The following ZBTB8A variants were observed in gnomAD, a reference collection of about 807,000 sequenced individuals.
The protein encoded by ZBTB8A is zinc finger and BTB domain-containing protein 8A.
A neutral mutation model predicts 37.8 loss-of-function variants in ZBTB8A; 19 were observed. That is an observed-to-expected ratio of 0.50 (90% CI 0.35 to 0.74). ZBTB8A has a LOEUF of 0.74. Ranked by LOEUF, ZBTB8A falls within the 30% of genes least tolerant of loss-of-function variation. The pLI, the probability that ZBTB8A is intolerant of heterozygous loss-of-function variation, is 0.01. For synonymous variants in ZBTB8A, 181 were observed against 185.2 expected (o/e 0.98, Z 0.19); for missense variants, 394 against 537.8 (o/e 0.73, Z 2.65).
intron 2 of ZBTB8A, among the ~76,000 whole-genome samples, chr1:32,571,969 T>C (rs1644326190): frequency 6.6e-6 from 1 of 151,958 alleles, no homozygotes; most frequent in African/African-American, 2.4e-5. Flanking sequence ...AGTGGAACAA[T>C]CTTGGCTCAC....
At chr1:32,558,438 AAC>A (rs35047367) in intron 2 of ZBTB8A, among the ~76,000 whole-genome samples, 37,770 of 145,348 alleles carry the variant, frequency 0.26, 4,868 homozygotes, top group Middle Eastern at 0.29. Flanking sequence ...CTAAGTATTA[AAC>A]ACACACACAC....
At chr1:32,559,429 G>A (rs752937605) in intron 2 of ZBTB8A, among the ~76,000 whole-genome samples, 11 of 151,740 alleles carry the variant, frequency 7.2e-5, no homozygotes, top group Admixed American at 2.0e-4. Flanking sequence ...CAAAACTCAT[G>A]TTGGAACTTA....
rs1644572087 is a variant in ZBTB8A, at chr1:32,601,070, A to T, written c.*651A>T. 6.6e-6 allele frequency: 1 copy of T among 151,916 alleles called. No homozygotes were observed. Among genetic ancestry groups the T allele is most frequent in the Non-Finnish European group, 1.5e-5 (1 of 68,020 alleles). The allele number at this position is 151,916 out of a possible 1,614,324, so 9.4% of individuals were successfully genotyped here. ...AGTATTGTTAAAAAAAAAAAAAAGT[A>T]GAGGCTGGCCAAAGATTATATACAG... is the stretch of plus-strand genomic sequence containing the variant. On this transcript the variant is annotated 3_prime_UTR_variant, in exon 5 of 5. Transcript: ENST00000373510.
At chr1:32,547,075 T>G (rs772914240) in intron 1 of ZBTB8A, among the ~76,000 whole-genome samples, 7 of 152,150 alleles carry the variant, frequency 4.6e-5, no homozygotes, top group Non-Finnish European at 8.8e-5. Flanking sequence ...GGCTAATTTT[T>G]TAATTATTTG....
At chr1:32,596,978 C>G (rs971599420) in intron 4 of ZBTB8A, among the ~76,000 whole-genome samples, 3 of 151,946 alleles carry the variant, frequency 2.0e-5, no homozygotes, top group African/African-American at 7.2e-5. Context: ...GCTGTCCAAC[C>G]AAAGGAGGTC....
At chr1:32,582,194 T>C (rs1279740865) in intron 2 of ZBTB8A, among the ~76,000 whole-genome samples, 1 of 152,170 alleles carries the variant, frequency 6.6e-6, no homozygotes, top group Non-Finnish European at 1.5e-5. Flanking sequence ...CTAAAACTTT[T>C]TGAGTACTAA....
chr1:32,589,644 G>A (rs1644473701), intron 2 of ZBTB8A, among the ~76,000 whole-genome samples: 2 of 151,860 alleles, frequency 1.3e-5, no homozygotes, highest in South Asian at 4.1e-4. Context: ...CCACCTCTGG[G>A]GGTCAAGCAA....
intron 2 of ZBTB8A, among the ~76,000 whole-genome samples, chr1:32,570,662 T>TA (rs1472664694): frequency 1.3e-5 from 2 of 152,216 alleles, no homozygotes; most frequent in African/African-American, 4.8e-5. Context: ...TTGGTGCTCT[T>TA]ACGAATGCAT....
At chr1:32,574,899 C>G (rs1200667900) in intron 2 of ZBTB8A, among the ~76,000 whole-genome samples, 1 of 152,004 alleles carries the variant, frequency 6.6e-6, no homozygotes, top group East Asian at 1.9e-4. Context: ...CAACTCAGCC[C>G]CATCAGTAGC....
chr1:32,567,791 CAAAAAA>C (rs1214976482), intron 2 of ZBTB8A, among the ~76,000 whole-genome samples: 5 of 6,442 alleles, frequency 7.8e-4, no homozygotes, highest in Admixed American at 4.0e-3. Context: ...GATTCTGTCT[CAAAAAA>C]AAAAAAAAAA....
At chr1:32,576,835 G>A (rs1269543322) in intron 2 of ZBTB8A, among the ~76,000 whole-genome samples, 1 of 151,270 alleles carries the variant, frequency 6.6e-6, no homozygotes, top group African/African-American at 2.4e-5. Flanking sequence ...AAAGTGCTGG[G>A]ATTACAGGCG....
chr1:32,567,041 A>G (rs1417259602), intron 2 of ZBTB8A, among the ~76,000 whole-genome samples: 1 of 152,178 alleles, frequency 6.6e-6, no homozygotes, highest in Admixed American at 6.5e-5. Flanking sequence ...CATTGCTATA[A>G]AGAACTCCCT....
intron 2 of ZBTB8A, among the ~76,000 whole-genome samples, chr1:32,585,079 G>A (rs1050996412): frequency 2.2e-4 from 31 of 138,010 alleles, no homozygotes; most frequent in African/African-American, 8.3e-4. Context: ...GGCTCAGGCA[G>A]GAGTGCAGTG....
rs528934854 is a variant in ZBTB8A at position 32,598,475 on chromosome 1, G to A, written c.994-1612G>A. On this transcript the variant is annotated intron_variant, in intron 4 of 4. Transcript: ENST00000373510. ...TGATCTCAAACTGCTGACCTCAAGT[G>A]ATCCACTCACCTCAGCCTTCCAAAG... 7.2e-5 allele frequency among the ~76,000 whole-genome samples: 11 copies of A among 151,930 alleles called. No individual in the cohort carries two copies. The East Asian group carries it at 2.1e-3, about 29-fold the overall frequency.
chr1:32,574,068 ACT>A (rs929782574), intron 2 of ZBTB8A, among the ~76,000 whole-genome samples: 8 of 151,796 alleles, frequency 5.3e-5, no homozygotes, highest in African/African-American at 1.9e-4. Flanking sequence ...AAGAGCGAAA[ACT>A]CTGTCTCAAA....
chr1:32,579,925 GTAA>G (rs1644390852), intron 2 of ZBTB8A, among the ~76,000 whole-genome samples: 1 of 152,248 alleles, frequency 6.6e-6, no homozygotes, highest in South Asian at 2.1e-4. Flanking sequence ...ATCACCTGCA[GTAA>G]TAATAACTTA....
At chr1:32,582,912 ATT>A (rs1431959052) in intron 2 of ZBTB8A, among the ~76,000 whole-genome samples, 1 of 152,078 alleles carries the variant, frequency 6.6e-6, no homozygotes, top group East Asian at 1.9e-4. Context: ...TTTCTGGGAG[ATT>A]TGGGATTTCG....
chr1:32,594,914 T>C (rs1336751715), intron 3 of ZBTB8A, 140 bp from the exon 4 acceptor site: 1 of 906,646 alleles, frequency 1.1e-6, no homozygotes, highest in African/African-American at 1.7e-5. Flanking sequence ...GCTAACCAAC[T>C]CCTTGTGAAT....
intron 1 of ZBTB8A, among the ~76,000 whole-genome samples, chr1:32,547,479 T>C (rs1644114847): frequency 6.6e-6 from 1 of 150,900 alleles, no homozygotes; most frequent in Non-Finnish European, 1.5e-5. Flanking sequence ...TGCCTTAGCC[T>C]CCTGAGTAGC....
Sources: gnomAD v4.1 joint callset for allele counts (sites outside exome capture counted in the v4.1 genomes callset) on GRCh38, gnomAD v4.1.1 for gene constraint, MANE v1.5 for transcripts, NCBI Gene and HGNC (gene_info 2026-07-23, HGNC 2026-07-21) for gene names.